TLE1: variants seen among roughly 807,000 people sequenced by gnomAD.
TLE1 encodes the protein TLE family member 1, transcriptional corepressor.
TLE1 carries 21 observed loss-of-function variants against 89.8 expected under a neutral mutation model. That is an observed-to-expected ratio of 0.23 (90% confidence interval 0.17 to 0.34). The LOEUF (loss-of-function observed/expected upper bound fraction) is 0.34. Among genes scored for constraint, TLE1 ranks in the 10% least tolerant of loss-of-function variants. The probability of loss-of-function intolerance (pLI) is 1.00; values close to 1 mark genes in which losing one functional copy is unlikely to be tolerated. For synonymous variants in TLE1, 447 were observed against 407.6 expected, an observed-to-expected ratio of 1.10 and a Z score of -1.16; for missense variants, 795 against 1,031.2, an observed-to-expected ratio of 0.77 and a Z score of 3.14.
chr9:81,679,463 G>T (rs1448309586), intron 4 of TLE1, among the ~76,000 whole-genome samples: 1 of 151,908 alleles, frequency 6.6e-6, no homozygotes, highest in Non-Finnish European at 1.5e-5. Context: ...AAATTTCAGT[G>T]CAAATTTATT....
chr9:81,653,858 G>C (rs1418712562), intron 5 of TLE1, 116 bp downstream of exon 5: 11 of 908,542 alleles, frequency 1.2e-5, no homozygotes, highest in East Asian at 2.6e-5. Flanking sequence ...CACTTCAGCT[G>C]TAACAGATGT....
intron 12 of TLE1, among the ~76,000 whole-genome samples, chr9:81,612,795 C>T (rs1433521763): frequency 2.6e-5 from 4 of 152,316 alleles, no homozygotes; most frequent in Admixed American, 2.0e-4. Flanking sequence ...AGGTAGCTCA[C>T]GCCTGTAATC....
At chr9:81,630,235 T>G (rs1322332355) in intron 8 of TLE1, among the ~76,000 whole-genome samples, 4 of 151,966 alleles carry the variant, frequency 2.6e-5, no homozygotes, top group South Asian at 2.1e-4. Flanking sequence ...CTCGCAAATC[T>G]ATGAGGGCAG....
chr9:81,654,347 ATATG>A (rs1829905015), intron 4 of TLE1, among the ~76,000 whole-genome samples: 1 of 151,954 alleles, frequency 6.6e-6, no homozygotes, highest in Non-Finnish European at 1.5e-5. Context: ...ACACATATAT[ATATG>A]TATTTTTGAG....
chr9:81,681,752 C>T (rs779738288), intron 4 of TLE1, among the ~76,000 whole-genome samples: 7 of 150,882 alleles, frequency 4.6e-5, no homozygotes, highest in Non-Finnish European at 1.0e-4. Context: ...TTTATCTACC[C>T]ATGGCCTGTG....
In TLE1 at chr9:81,688,252, CG is replaced by C. The variant is rs1314213072; in HGVS notation, c.-13del. On this transcript the variant is annotated 5_prime_UTR_variant, in exon 1 of 20. Coordinates refer to ENST00000376499, the MANE Select transcript of TLE1 (RefSeq NM_005077.5). ...CTCTGCGGGAACATCGCTCTGGCGG[CG>C]GCCGGGGCTCTGTTCCCCGGCAACT... 4 of 1,580,890 alleles carry C rather than the reference CG, an allele frequency of 2.5e-6. No homozygotes were observed. In the South Asian group the frequency reaches 4.5e-5, roughly 18 times the overall value.
intron 11 of TLE1, among the ~76,000 whole-genome samples, chr9:81,614,200 G>A (rs998056606): frequency 2.6e-5 from 4 of 151,996 alleles, no homozygotes; most frequent in African/African-American, 9.7e-5. Context: ...GAGCCACCGC[G>A]CCAGGCCAGA....
intron 4 of TLE1, among the ~76,000 whole-genome samples, chr9:81,675,698 G>GTTTTTGTTTTTTTT (rs1832788409): frequency 7.7e-6 from 1 of 129,666 alleles, no homozygotes; most frequent in African/African-American, 3.3e-5. Context: ...ACTCACACTA[G>GTTTTTGTTTTTTTT]TTTTTTTTTG....
At chr9:81,627,110 ATC>A (rs1825998674) in intron 8 of TLE1, among the ~76,000 whole-genome samples, 1 of 152,194 alleles carries the variant, frequency 6.6e-6, no homozygotes, top group Non-Finnish European at 1.5e-5. Context: ...TGACTAAGTC[ATC>A]TGTGTATCGG....
At chr9:81,673,951 A>G (rs113264158) in intron 4 of TLE1, among the ~76,000 whole-genome samples, 81 of 152,270 alleles carry the variant, frequency 5.3e-4, no homozygotes, top group African/African-American at 1.7e-3. Flanking sequence ...TATTCTCTCC[A>G]TACCAGACCA....
At chr9:81,687,841 C>T (rs1247197067) in intron 1 of TLE1, among the ~76,000 whole-genome samples, 3 of 152,024 alleles carry the variant, frequency 2.0e-5, no homozygotes, top group Non-Finnish European at 4.4e-5. Context: ...GTCGCCGGGG[C>T]CACCTCCAGA....
chr9:81,669,366 C>A (rs1181539724), intron 4 of TLE1, among the ~76,000 whole-genome samples: 1 of 152,198 alleles, frequency 6.6e-6, no homozygotes, highest in Non-Finnish European at 1.5e-5. Flanking sequence ...TTTTCAAATC[C>A]GTGGCACAAG....
chr9:81,631,851 C>T (rs1219588490), intron 8 of TLE1, among the ~76,000 whole-genome samples: 1 of 152,178 alleles, frequency 6.6e-6, no homozygotes, highest in Non-Finnish European at 1.5e-5. Flanking sequence ...GCCTGCAATC[C>T]CAGCACGTTG....
At chr9:81,618,430 C>A (rs980250707) in intron 9 of TLE1, among the ~76,000 whole-genome samples, 2 of 152,118 alleles carry the variant, frequency 1.3e-5, no homozygotes, top group South Asian at 2.1e-4. Context: ...GAGCACTACA[C>A]GTGAGAGACC....
chr9:81,671,815 T>G (rs1394737820), intron 4 of TLE1, among the ~76,000 whole-genome samples: 1 of 152,186 alleles, frequency 6.6e-6, no homozygotes, highest in Non-Finnish European at 1.5e-5. Context: ...GCAGTTCCCC[T>G]CCTAAGTTAG....
At chr9:81,641,779 T>C (rs557105315) in intron 6 of TLE1, among the ~76,000 whole-genome samples, 1 of 152,274 alleles carries the variant, frequency 6.6e-6, no homozygotes, top group South Asian at 2.1e-4. Context: ...TCCCAGCACT[T>C]TGGGAGGCCG....
Position 81,688,992 on chromosome 9 carries a change from G to C in TLE1, c.-752C>G, listed in dbSNP as rs929910096. The stretch of plus-strand genomic sequence containing the variant: ...TTCTCCGCGGTTGCACAAACCCTCC[G>C]GGCCCGACGGGGCTACTCCACCGAG... On this transcript the variant is annotated 5_prime_UTR_variant, in exon 1 of 20. Transcript: ENST00000376499. 2 of 151,848 alleles carry C rather than the reference G, an allele frequency of 1.3e-5. No homozygotes were observed. The highest frequency in any genetic ancestry group is 2.9e-5 in the Non-Finnish European group (2 of 67,978). 9.4% of individuals were successfully genotyped at this position (151,848 alleles called of 1,614,324 possible).
intron 17 of TLE1, 25 bp downstream of exon 17, chr9:81,587,656 G>A (rs1179909936): frequency 6.3e-7 from 1 of 1,596,076 alleles, no homozygotes; most frequent in Admixed American, 1.7e-5. Flanking sequence ...CCAGACTCCA[G>A]GGCAGGCGGA....
At chr9:81,677,242 C>CA (rs1056011864) in intron 4 of TLE1, among the ~76,000 whole-genome samples, 2 of 129,496 alleles carry the variant, frequency 1.5e-5, no homozygotes, top group African/African-American at 2.6e-5. Flanking sequence ...GTCTTCCCCC[C>CA]CCCAAAAAAA....
Sources: allele counts gnomAD v4.1 joint callset (sites outside exome capture counted in the v4.1 genomes callset), GRCh38; gene constraint gnomAD v4.1.1; transcripts MANE v1.5; gene names NCBI Gene and HGNC (gene_info 2026-07-23, HGNC 2026-07-21).